The following PARP12 variants were observed in gnomAD, a reference collection of about 807,000 sequenced individuals.
PARP12 encodes protein mono-ADP-ribosyltransferase PARP12.
In PARP12, 59 loss-of-function variants were observed where a neutral mutation model predicts 72.4. That is an observed-to-expected ratio of 0.81 (90% confidence interval 0.66 to 1.01). The LOEUF (loss-of-function observed/expected upper bound fraction) is 1.01. Among genes scored for constraint, PARP12 ranks in the 50% least tolerant of loss-of-function variants. PARP12 has a pLI of 0.00. For synonymous variants in PARP12, 403 were observed against 371.4 expected (o/e 1.09, Z -0.98); for missense variants, 851 against 914.0 (o/e 0.93, Z 0.89).
chr7:140,025,430 C>T (rs868021291), intron 11 of PARP12: 9 of 340,578 alleles, frequency 2.6e-5, no homozygotes, highest in African/African-American at 8.5e-5. Flanking sequence ...CTGCCTCAGA[C>T]GGAAACTGAC....
chr7:140,062,840 T>C lies in PARP12; in HGVS notation c.8A>G (p.Gln3Arg). The C allele has an allele frequency of 1.4e-6, 2 of 1,380,146 alleles. No individual in the cohort carries two copies. The highest frequency in any genetic ancestry group is 1.9e-6 in the Non-Finnish European group (2 of 1,064,726). 85.5% of individuals were successfully genotyped at this position (1,380,146 alleles called of 1,614,324 possible). A position where few individuals can be genotyped will look rare whatever the true frequency, so the allele number is the denominator to read the frequency against. Residue 3 changes from glutamine to arginine, a missense_variant, in exon 1 of 12, where the codon CAG becomes CGG. Physicochemically the swap from Gln to Arg is conservative, Grantham distance 43. Transcript: ENST00000263549. The stretch of plus-strand genomic sequence containing the variant: ...GGTGACCTCACCGACGACGCCGGCC[T>C]GGGCCATGGCCGCTGGGCCTGCTCC... MA[Q>R]AGVVGEVTQV...
At chr7:140,059,645 T>C (rs1817359658) in intron 1 of PARP12, among the ~76,000 whole-genome samples, 1 of 152,156 alleles carries the variant, frequency 6.6e-6, no homozygotes, top group Non-Finnish European at 1.5e-5. Context: ...CCTGCACCTT[T>C]TACAGAATCC....
chr7:140,051,426 T>C (rs1393803439), intron 4 of PARP12, among the ~76,000 whole-genome samples: 1 of 151,982 alleles, frequency 6.6e-6, no homozygotes, highest in Non-Finnish European at 1.5e-5. Flanking sequence ...AGTTTCACTC[T>C]GTCGCCCAGG....
At chr7:140,047,073 G>A (rs1304090737) in intron 4 of PARP12, 66 bp from the exon 5 acceptor site, 3 of 1,517,852 alleles carry the variant, frequency 2.0e-6, no homozygotes, top group East Asian at 2.4e-5. Context: ...CCTTGTGGTT[G>A]TCAACAGGTG....
chr7:140,039,050 TGGCC>T (rs1816342263), intron 6 of PARP12, among the ~76,000 whole-genome samples: 1 of 152,196 alleles, frequency 6.6e-6, no homozygotes, highest in Non-Finnish European at 1.5e-5. Context: ...TGACATGAGT[TGGCC>T]CCATGAGGAC....
At chr7:140,053,251 C>T (rs907336534) in intron 4 of PARP12, among the ~76,000 whole-genome samples, 2 of 152,144 alleles carry the variant, frequency 1.3e-5, no homozygotes, top group Non-Finnish European at 1.5e-5. Flanking sequence ...CAATGGAATA[C>T]TACTGTGCAA....
intron 4 of PARP12, among the ~76,000 whole-genome samples, chr7:140,053,600 T>C (rs894570149): frequency 6.6e-6 from 1 of 152,182 alleles, no homozygotes; most frequent in Non-Finnish European, 1.5e-5. Context: ...CTCAGTAATA[T>C]TGCTTTCAGA....
At chr7:140,029,937 C>T (rs1213610774) in intron 8 of PARP12, among the ~76,000 whole-genome samples, 1 of 152,090 alleles carries the variant, frequency 6.6e-6, no homozygotes, top group Non-Finnish European at 1.5e-5. Flanking sequence ...TGATCAGAAC[C>T]TAAGTGAAGC....
Position 140,061,983 on chromosome 7 carries a change from C to CGG in PARP12, c.326+537_326+538dup, listed in dbSNP as rs34674660. The stretch of plus-strand genomic sequence containing the variant: ...AAATGCCCAGGCTCCCAGAAATGCC[C>CGG]GGGGGGGGGGGGGTGTTCCAGTCAC... On this transcript the variant is annotated intron_variant, in intron 1 of 11. Transcript: ENST00000263549. 1.8e-3 allele frequency among the ~76,000 whole-genome samples: 162 copies of CGG among 89,910 alleles called. 2 individuals carry two copies. In the South Asian group the frequency reaches 0.035, roughly 20 times the overall value. 59.0% of individuals were successfully genotyped at this position (89,910 alleles called of 152,430 possible). A position where few individuals can be genotyped will look rare whatever the true frequency, so the allele number is the denominator to read the frequency against.
At chr7:140,035,933 G>GAGGACA (rs1816148407) in intron 7 of PARP12, among the ~76,000 whole-genome samples, 1 of 120,320 alleles carries the variant, frequency 8.3e-6, no homozygotes, top group African/African-American at 3.8e-5. Flanking sequence ...GGACAAGGAG[G>GAGGACA]AGGAGGAGGA....
chr7:140,045,702 GA>G (rs1276670171), intron 5 of PARP12, among the ~76,000 whole-genome samples: 1 of 151,998 alleles, frequency 6.6e-6, no homozygotes, highest in Non-Finnish European at 1.5e-5. Context: ...ACCAAGTGAG[GA>G]AAAAAATCTA....
chr7:140,047,101 C>G (rs1478948725), intron 4 of PARP12, 94 bp from the exon 5 acceptor site: 2 of 1,382,366 alleles, frequency 1.4e-6, no homozygotes, highest in Admixed American at 2.8e-5. Context: ...GCCCACTGAC[C>G]TGGGAACATT....
chr7:140,046,801 T>TGTGTGA (rs1816748138), intron 5 of PARP12, 83 bp downstream of exon 5: 1 of 418,292 alleles, frequency 2.4e-6, no homozygotes, highest in Admixed American at 4.2e-5. Context: ...CTGCTCACAG[T>TGTGTGA]GTGTGTGTGT....
chr7:140,046,689 CCCA>C (rs1484296664), intron 5 of PARP12, among the ~76,000 whole-genome samples, 192 bp downstream of exon 5: 1 of 151,590 alleles, frequency 6.6e-6, no homozygotes, highest in Non-Finnish European at 1.5e-5. Context: ...TCGATTCCAG[CCCA>C]CCTTCTACCT....
At position 140,046,788 on chromosome 7, in the gene PARP12, AGGCTGCTC is replaced by A; in HGVS notation, c.986+88_986+95del. 1.7e-6 allele frequency: 2 copies of A among 1,210,466 alleles called. 1 individual carries two copies. The highest frequency in any genetic ancestry group is 2.2e-6 in the Non-Finnish European group (2 of 901,976). 75.0% of individuals were successfully genotyped at this position (1,210,466 alleles called of 1,614,324 possible). A position where few individuals can be genotyped will look rare whatever the true frequency, so the allele number is the denominator to read the frequency against. On this transcript the variant is annotated intron_variant, in intron 5 of 11. Coordinates refer to ENST00000263549, the MANE Select transcript of PARP12 (RefSeq NM_022750.4). ...ACAGAAGCCCAGGCACCTCCAGACT[AGGCTGCTC>A]ACAGTGTGTGTGTGTGTGTGTGTGT... is the stretch of plus-strand genomic sequence containing the variant.
In PARP12 at chr7:140,056,732, T is replaced by C. The variant is rs1817193931; in HGVS notation, c.760+124A>G. On this transcript the variant is annotated intron_variant, in intron 3 of 11. Transcript: ENST00000263549. ...GAAAGCATCATCAACTCCATTTTAC[T>C]AAAAGCAGCACCAGACTTGCCCAAA... The C allele has an allele frequency of 3.9e-6, 4 of 1,019,208 alleles. No homozygotes were observed. In the South Asian group the frequency reaches 4.9e-5, roughly 13 times the overall value. The allele number at this position is 1,019,208 out of a possible 1,614,324, so 63.1% of individuals were successfully genotyped here.
Position 140,062,940 on chromosome 7 carries a change from C to T in PARP12, c.-93G>A. On this transcript the variant is annotated 5_prime_UTR_variant, in exon 1 of 12. Coordinates refer to ENST00000263549, the MANE Select transcript of PARP12 (RefSeq NM_022750.4). ...GGGCGGCTCTCGCAGGGTGGAGACG[C>T]CGGCGGGAAACGAAACCGAAAGCGG... 9.3e-7 allele frequency: 1 copy of T among 1,076,956 alleles called. No homozygotes were observed. Among genetic ancestry groups the T allele is most frequent in the Non-Finnish European group, 1.2e-6 (1 of 859,056 alleles). 66.7% of individuals were successfully genotyped at this position (1,076,956 alleles called of 1,614,324 possible).
At chr7:140,028,909 T>C in intron 8 of PARP12, 1 of 388,296 alleles carries the variant, frequency 2.6e-6, no homozygotes, top group Non-Finnish European at 4.8e-6. Flanking sequence ...CTGAGAGATC[T>C]ATTTCTCGCC....
At chr7:140,059,738 C>T (rs1181666655) in intron 1 of PARP12, among the ~76,000 whole-genome samples, 2 of 152,234 alleles carry the variant, frequency 1.3e-5, no homozygotes. Flanking sequence ...CTCTTTCCCT[C>T]ATCTAGCGGA....
Sources: allele counts gnomAD v4.1 joint callset (sites outside exome capture counted in the v4.1 genomes callset), GRCh38; gene constraint gnomAD v4.1.1; transcripts MANE v1.5; gene names NCBI Gene and HGNC (gene_info 2026-07-23, HGNC 2026-07-21).